IGFBP7: variants seen among roughly 807,000 people sequenced by gnomAD.
IGFBP7 encodes insulin-like growth factor-binding protein 7.
IGFBP7 carries 31 observed loss-of-function variants against 29.4 expected under a neutral mutation model. The observed-to-expected ratio is 1.05, with a 90% CI of 0.79 to 1.42. The LOEUF (loss-of-function observed/expected upper bound fraction) is 1.42, where lower values mean the gene tolerates loss of function less well. Among genes scored for constraint, IGFBP7 ranks in the 40% most tolerant of loss-of-function variants. The probability of loss-of-function intolerance (pLI) is 0.00; values close to 1 mark genes in which losing one functional copy is unlikely to be tolerated. For synonymous variants in IGFBP7, 172 were observed against 174.9 expected, an observed-to-expected ratio of 0.98 and a Z score of 0.13; for missense variants, 393 against 395.5, an observed-to-expected ratio of 0.99 and a Z score of 0.05.
chr4:57,091,161 G>A (rs13128946), intron 1 of IGFBP7, among the ~76,000 whole-genome samples: 87,536 of 151,988 alleles, frequency 0.58, 26,402 homozygotes, highest in Admixed American at 0.7. Flanking sequence ...ACACACACAC[G>A]GTTGAACAAA....
In IGFBP7 at chr4:57,044,237, G is replaced by C. The variant is rs550865706; in HGVS notation, c.476-3304C>G. 3.3e-5 allele frequency among the ~76,000 whole-genome samples: 5 copies of C among 152,312 alleles called. No homozygotes were observed. In the South Asian group the frequency reaches 1.0e-3, roughly 32 times the overall value. Reference sequence around the variant, plus strand: ...TACAGGTAGCAGGGTCATCGGTCTTGGGCAGGGGGCAGATTCTGGAGTGCT... The same window carrying C: ...TACAGGTAGCAGGGTCATCGGTCTTCGGCAGGGGGCAGATTCTGGAGTGCT... On this transcript the variant is annotated intron_variant, in intron 1 of 4. Coordinates refer to ENST00000295666, the MANE Select transcript of IGFBP7 (RefSeq NM_001553.3).
chr4:57,031,224 G>T lies in IGFBP7; in HGVS notation c.*93C>A. Reference sequence around the variant, plus strand: ...CAGTGAATATAACTAAAGTGTTAGTGGATTGGATTAAAAGAAACTTATTAG... The same window carrying T: ...CAGTGAATATAACTAAAGTGTTAGTTGATTGGATTAAAAGAAACTTATTAG... On this transcript the variant is annotated 3_prime_UTR_variant, in exon 5 of 5. Transcript: ENST00000295666. 1 of 1,043,132 alleles carries T rather than the reference G, an allele frequency of 9.6e-7. No homozygotes were observed. Among genetic ancestry groups the T allele is most frequent in the Non-Finnish European group, 1.5e-6 (1 of 671,882 alleles). The allele number at this position is 1,043,132 out of a possible 1,614,324, so 64.6% of individuals were successfully genotyped here.
intron 1 of IGFBP7, among the ~76,000 whole-genome samples, chr4:57,085,214 T>G (rs1188473926): frequency 6.6e-6 from 1 of 152,166 alleles, no homozygotes; most frequent in Non-Finnish European, 1.5e-5. Flanking sequence ...GTTCTACATT[T>G]TTCTTGTATT....
chr4:57,056,381 G>A (rs1464702842), intron 1 of IGFBP7, among the ~76,000 whole-genome samples: 1 of 152,058 alleles, frequency 6.6e-6, no homozygotes, highest in Non-Finnish European at 1.5e-5. Flanking sequence ...TCTCGTGTGT[G>A]TGTCTTGGGT....
intron 1 of IGFBP7, among the ~76,000 whole-genome samples, chr4:57,106,736 A>C (rs573448805): frequency 1.4e-3 from 207 of 152,306 alleles, no homozygotes; most frequent in Non-Finnish European, 2.6e-4. Context: ...AAGAGCTCAG[A>C]TTTAAAAGAC....
At chr4:57,064,181 CA>C (rs1301928937) in intron 1 of IGFBP7, among the ~76,000 whole-genome samples, 7 of 152,072 alleles carry the variant, frequency 4.6e-5, no homozygotes, top group African/African-American at 1.7e-4. Flanking sequence ...TCTACCCCTC[CA>C]AAAAACACAC....
rs1418811100 is a variant in IGFBP7, at chr4:57,072,807, C to T, written c.476-31874G>A. Reference sequence around the variant, plus strand: ...GGGACCATCCATTGAGCAGCTGGCACAGCATATGAAGACCTGAGGTATAAG... The same window carrying T: ...GGGACCATCCATTGAGCAGCTGGCATAGCATATGAAGACCTGAGGTATAAG... On this transcript the variant is annotated intron_variant, in intron 1 of 4. Transcript: ENST00000295666. 6 of 558,374 alleles carry T rather than the reference C, an allele frequency of 1.1e-5. No individual in the cohort carries two copies. In the African/African-American group the frequency reaches 1.1e-4, roughly 11 times the overall value. The allele number at this position is 558,374 out of a possible 1,614,324, so 34.6% of individuals were successfully genotyped here.
intron 1 of IGFBP7, among the ~76,000 whole-genome samples, chr4:57,053,663 C>CGTAT (rs1246610899): frequency 6.6e-6 from 1 of 152,086 alleles, no homozygotes; most frequent in Non-Finnish European, 1.5e-5. Context: ...ATCCTAATAC[C>CGTAT]AGACTGGCTG....
At chr4:57,054,284 C>T (rs986581833) in intron 1 of IGFBP7, among the ~76,000 whole-genome samples, 4 of 151,216 alleles carry the variant, frequency 2.6e-5, no homozygotes, top group African/African-American at 9.7e-5. Flanking sequence ...AAAGCTTAGT[C>T]TCTATCCGTA....
chr4:57,078,458 C>T (rs927037917), intron 1 of IGFBP7, among the ~76,000 whole-genome samples: 2 of 151,468 alleles, frequency 1.3e-5, no homozygotes, highest in East Asian at 1.9e-4. Flanking sequence ...GATGGGAAAG[C>T]GGTAAAACTC....
At chr4:57,039,971 A>T (rs1158543719) in intron 2 of IGFBP7, among the ~76,000 whole-genome samples, 1 of 152,004 alleles carries the variant, frequency 6.6e-6, no homozygotes, top group East Asian at 1.9e-4. Flanking sequence ...GTCATTTCAA[A>T]GCTGATTTAT....
Position 57,032,535 on chromosome 4 carries a change from C to T in IGFBP7, c.720G>A (p.Lys240=). The part of the protein sequence containing the change: ...TGWVLVSPLS[K]EDAGEYECHA... ...GGCACTCATATTCTCCAGCATCTTC[C>T]TTACTTAGAGGAGATACCTGTGAAA... Residue 240 remains lysine, a synonymous_variant, in exon 4 of 5, where the codon AAG becomes AAA. Coordinates refer to ENST00000295666, the MANE Select transcript of IGFBP7 (RefSeq NM_001553.3). 2 of 1,613,718 alleles carry T rather than the reference C, an allele frequency of 1.2e-6. No individual in the cohort carries two copies. Among genetic ancestry groups the T allele is most frequent in the Non-Finnish European group, 1.7e-6 (2 of 1,179,656 alleles).
rs965712883 is a variant in IGFBP7, at chr4:57,032,698, A to G, written c.703-146T>C. 2.6e-5 allele frequency: 18 copies of G among 703,302 alleles called. No homozygotes were observed. In the African/African-American group the frequency reaches 2.8e-4, roughly 11 times the overall value. The allele number at this position is 703,302 out of a possible 1,614,324, so 43.6% of individuals were successfully genotyped here. ...TGCTAGAAGCAGTGCAAGTCCTGTG[A>G]TAGGAGACTTCGATAACTACCATAT... On this transcript the variant is annotated intron_variant, in intron 3 of 4. Transcript: ENST00000295666.
chr4:57,106,863 A>C (rs1726045491), intron 1 of IGFBP7, among the ~76,000 whole-genome samples: 2 of 152,216 alleles, frequency 1.3e-5, no homozygotes. Flanking sequence ...ATTAAATGGA[A>C]TCTTCAAATT....
Position 57,040,847 on chromosome 4 carries a change from T to A in IGFBP7, c.562A>T (p.Thr188Ser), listed in dbSNP as rs1160794093. The part of the protein sequence containing the change: ...YLSCEVIGIP[T>S]PVLIWNKVKR... Reference sequence around the variant, plus strand: ...ACCTTGTTCCAGATGAGGACAGGTGTCGGGATTCCGATGACCTCACAGCTC... The same window carrying A: ...ACCTTGTTCCAGATGAGGACAGGTGACGGGATTCCGATGACCTCACAGCTC... Residue 188 changes from threonine (T) to serine (S), a missense_variant, in exon 2 of 5, where the codon ACA becomes TCA. Physicochemically the swap from Thr to Ser is moderately conservative, Grantham distance 58. Transcript: ENST00000295666. 3.7e-6 allele frequency: 6 copies of A among 1,613,390 alleles called. No individual in the cohort carries two copies. The East Asian group carries it at 1.1e-4, about 30-fold the overall frequency.
intron 1 of IGFBP7, chr4:57,072,979 G>C (rs1196143619): frequency 1.1e-5 from 9 of 853,042 alleles, no homozygotes; most frequent in Non-Finnish European, 1.6e-5. Context: ...ATGATGTCAG[G>C]ACCATCCTGC....
Position 57,063,738 on chromosome 4 carries a change from AC to A in IGFBP7, c.476-22806del, listed in dbSNP as rs1724850803. On this transcript the variant is annotated intron_variant, in intron 1 of 4. Coordinates refer to ENST00000295666, the MANE Select transcript of IGFBP7 (RefSeq NM_001553.3). The stretch of plus-strand genomic sequence containing the variant: ...AATTGGTCCTCAGCTGTTTGTAGGT[AC>A]AAACAGGTCAATGTTTGGGTATGCC... 2.6e-5 allele frequency among the ~76,000 whole-genome samples: 4 copies of A among 152,312 alleles called. No homozygotes were observed. In the South Asian group the frequency reaches 8.3e-4, roughly 32 times the overall value.
intron 1 of IGFBP7, among the ~76,000 whole-genome samples, chr4:57,064,395 C>T (rs560217185): frequency 8.5e-5 from 13 of 152,230 alleles, no homozygotes; most frequent in African/African-American, 2.9e-4. Flanking sequence ...TCTGTGTTGA[C>T]AAGCAATATT....
chr4:57,109,924 C>A lies in IGFBP7; in HGVS notation c.428G>T (p.Arg143Leu). The A allele has an allele frequency of 6.4e-7, 1 of 1,557,404 alleles. No homozygotes were observed. The highest frequency in any genetic ancestry group is 8.6e-7 in the Non-Finnish European group (1 of 1,157,928). Residue 143 changes from arginine (R) to leucine (L), a missense_variant, in exon 1 of 5, where the codon CGC (arginine) becomes CTC (leucine). By Grantham distance (102) the Arg-to-Leu change is moderately radical (BLOSUM62 -2). Coordinates refer to ENST00000295666, the MANE Select transcript of IGFBP7 (RefSeq NM_001553.3). ...LRAASQRAES[R>L]GEKAITQVSK... Reference sequence around the variant, plus strand: ...GACCTGGGTGATGGCCTTCTCCCCGCGGCTCTCGGCCCTCTGGCTGGCGGC... The same window carrying A: ...GACCTGGGTGATGGCCTTCTCCCCGAGGCTCTCGGCCCTCTGGCTGGCGGC...
Sources: allele counts gnomAD v4.1 joint callset (sites outside exome capture counted in the v4.1 genomes callset), GRCh38; gene constraint gnomAD v4.1.1; transcripts MANE v1.5; gene names NCBI Gene and HGNC (gene_info 2026-07-23, HGNC 2026-07-21).